Variants in RBFOX1 observed in about 807,000 individuals in gnomAD.
RBFOX1 encodes RNA binding protein fox-1 homolog 1.
RBFOX1 carries 8 observed loss-of-function variants against 57.7 expected under a neutral mutation model. The ratio of observed to expected loss-of-function variants is 0.14; its 90% CI spans 0.08 to 0.25. RBFOX1 has a LOEUF of 0.25. Among genes scored for constraint, RBFOX1 ranks in the 10% least tolerant of loss-of-function variants. RBFOX1 has a pLI of 1.00. For synonymous variants in RBFOX1, 326 were observed against 222.4 expected (o/e 1.47, Z -4.15); for missense variants, 611 against 548.5 (o/e 1.11, Z -1.14).
At chr16:6,523,183 C>A (rs963003790) in intron 2 of RBFOX1, among the ~76,000 whole-genome samples, 1 of 152,232 alleles carries the variant, frequency 6.6e-6, no homozygotes. Flanking sequence ...GCTTACTCAT[C>A]TCTCTCTTCT....
intron 4 of RBFOX1, among the ~76,000 whole-genome samples, chr16:7,152,686 A>G (rs1163984123): frequency 6.6e-6 from 1 of 152,170 alleles, no homozygotes; most frequent in Non-Finnish European, 1.5e-5. Context: ...TGCTTTGGAA[A>G]TGCAGCATGG....
intron 3 of RBFOX1, among the ~76,000 whole-genome samples, chr16:6,991,874 T>G (rs879617988): frequency 1.3e-5 from 2 of 152,266 alleles, no homozygotes; most frequent in South Asian, 2.1e-4. Context: ...AGGAATCACT[T>G]CAGGGTTTTG....
intron 1 of RBFOX1, chr16:5,270,622 A>G (rs11646413): frequency 0.32 from 185,777 of 573,346 alleles, 31,343 homozygotes; most frequent in African/African-American, 0.4. Context: ...ACAATCAGAT[A>G]CTGAAGACCT....
chr16:6,253,699 G>GTGTATATATA (rs71145205), intron 1 of RBFOX1, among the ~76,000 whole-genome samples: 2,547 of 142,340 alleles, frequency 0.018, 57 homozygotes, highest in African/African-American at 0.049. Context: ...GTGTGTGTGT[G>GTGTATATATA]TATATATATA....
chr16:7,059,441 T>C (rs2053558760), intron 4 of RBFOX1, among the ~76,000 whole-genome samples: 1 of 152,152 alleles, frequency 6.6e-6, no homozygotes, highest in African/African-American at 2.4e-5. Context: ...TGCTAGGCAG[T>C]AGAGGTATAA....
chr16:7,089,450 G>A (rs1439483305), intron 4 of RBFOX1, among the ~76,000 whole-genome samples: 1 of 151,952 alleles, frequency 6.6e-6, no homozygotes, highest in Admixed American at 6.6e-5. Context: ...AATAATTAAG[G>A]AAAAAACTAT....
chr16:6,866,730 G>A (rs1248379139), intron 3 of RBFOX1, among the ~76,000 whole-genome samples: 1 of 151,690 alleles, frequency 6.6e-6, no homozygotes, highest in African/African-American at 2.4e-5. Context: ...TTTTAGTAGA[G>A]AAGGGGTTTC....
At chr16:6,128,574 C>G (rs1245903916) in intron 1 of RBFOX1, among the ~76,000 whole-genome samples, 1 of 152,168 alleles carries the variant, frequency 6.6e-6, no homozygotes, top group Non-Finnish European at 1.5e-5. Context: ...TCTCACTGAG[C>G]TGAAGATTTG....
At chr16:7,397,574 C>G (rs1490758678) in intron 4 of RBFOX1, among the ~76,000 whole-genome samples, 1 of 152,104 alleles carries the variant, frequency 6.6e-6, no homozygotes, top group Admixed American at 6.6e-5. Context: ...ACCAAAGAGT[C>G]AGAACTGAAT....
Position 6,020,508 on chromosome 16 carries a change from C to T in RBFOX1, c.-127+516C>T, listed in dbSNP as rs183314906. 1.2e-3 allele frequency among the ~76,000 whole-genome samples: 178 copies of T among 152,280 alleles called. 2 individuals carry two copies. Among genetic ancestry groups the T allele is most frequent in the Admixed American group, 4.8e-3 (74 of 15,302 alleles). On this transcript the variant is annotated intron_variant, in intron 1 of 15. Transcript: ENST00000550418. ...AGGCTCACTTATGTGGAGAAAGCGCCGCTGTGTTTACTGGCACTGGAATCG... is the reference window on the plus strand; with the variant it reads ...AGGCTCACTTATGTGGAGAAAGCGCTGCTGTGTTTACTGGCACTGGAATCG...
chr16:5,255,926 C>G (rs925989764), intron 1 of RBFOX1, among the ~76,000 whole-genome samples: 2 of 151,674 alleles, frequency 1.3e-5, no homozygotes, highest in African/African-American at 4.8e-5. Flanking sequence ...TGAAAATTGG[C>G]TATTAATAGC....
intron 7 of RBFOX1, among the ~76,000 whole-genome samples, chr16:7,591,333 C>T (rs1166143964): frequency 6.6e-6 from 1 of 152,088 alleles, no homozygotes; most frequent in East Asian, 1.9e-4. Context: ...AACTAGAGGA[C>T]TGGATTTTTC....
intron 3 of RBFOX1, among the ~76,000 whole-genome samples, chr16:5,815,545 A>G (rs1304218822): frequency 6.6e-6 from 1 of 152,178 alleles, no homozygotes; most frequent in African/African-American, 2.4e-5. Flanking sequence ...CCCCACTCAG[A>G]AAGTCCATCT....
At chr16:6,890,531 C>G (rs561428458) in intron 3 of RBFOX1, among the ~76,000 whole-genome samples, 4 of 143,308 alleles carry the variant, frequency 2.8e-5, no homozygotes, top group Admixed American at 6.9e-5. Flanking sequence ...AACAAACAAA[C>G]AAAACCAAAC....
At chr16:6,403,544 T>C (rs938131140) in intron 2 of RBFOX1, among the ~76,000 whole-genome samples, 4 of 152,064 alleles carry the variant, frequency 2.6e-5, no homozygotes, top group African/African-American at 4.8e-5. Context: ...TTTAATTATC[T>C]GTAGAGATGT....
intron 3 of RBFOX1, among the ~76,000 whole-genome samples, chr16:5,760,030 T>G (rs541980310): frequency 6.6e-6 from 1 of 151,992 alleles, no homozygotes; most frequent in East Asian, 1.9e-4. Flanking sequence ...AAACCTTGTA[T>G]TTGAGCCTCA....
At chr16:7,225,871 T>G (rs1416862676) in intron 4 of RBFOX1, among the ~76,000 whole-genome samples, 1 of 136,082 alleles carries the variant, frequency 7.3e-6, no homozygotes, top group Non-Finnish European at 1.5e-5. Context: ...ACCTGCATAT[T>G]GTGCACATGT....
At chr16:5,480,622 A>G (rs1278336783) in intron 2 of RBFOX1, among the ~76,000 whole-genome samples, 1 of 152,114 alleles carries the variant, frequency 6.6e-6, no homozygotes, top group African/African-American at 2.4e-5. Flanking sequence ...TAGAAAATTC[A>G]CCCATGGCTA....
At chr16:5,824,762 T>G (rs1397673331) in intron 3 of RBFOX1, among the ~76,000 whole-genome samples, 1 of 152,238 alleles carries the variant, frequency 6.6e-6, no homozygotes, top group Non-Finnish European at 1.5e-5. Flanking sequence ...ACTGCACACT[T>G]TGAGCCCAGT....
Sources: gnomAD v4.1 joint callset for allele counts (sites outside exome capture counted in the v4.1 genomes callset) on GRCh38, gnomAD v4.1.1 for gene constraint, MANE v1.5 for transcripts, NCBI Gene and HGNC (gene_info 2026-07-23, HGNC 2026-07-21) for gene names.